The following TAFA2 variants were observed in gnomAD, a reference collection of about 807,000 sequenced individuals.
TAFA2 encodes the protein chemokine-like protein TAFA-2.
TAFA2 carries 7 observed loss-of-function variants against 18.8 expected under a neutral mutation model. The observed-to-expected ratio is 0.37, with a 90% confidence interval of 0.21 to 0.70. TAFA2 has a LOEUF of 0.70. Among genes scored for constraint, TAFA2 ranks in the 30% least tolerant of loss-of-function variants. The pLI, the probability that TAFA2 is intolerant of heterozygous loss-of-function variation, is 0.53. For synonymous variants in TAFA2, 60 were observed against 54.2 expected (o/e 1.11, Z -0.47); for missense variants, 122 against 158.1 (o/e 0.77, Z 1.23).
intron 1 of TAFA2, among the ~76,000 whole-genome samples, chr12:61,987,864 C>T (rs1294947485): frequency 6.6e-6 from 1 of 152,110 alleles, no homozygotes; most frequent in African/African-American, 2.4e-5. Flanking sequence ...GTAAATTGCC[C>T]AACTTAAATT....
At chr12:61,923,019 C>T (rs1245229420) in intron 1 of TAFA2, among the ~76,000 whole-genome samples, 5 of 152,318 alleles carry the variant, frequency 3.3e-5, no homozygotes, top group South Asian at 2.1e-4. Flanking sequence ...TGCAGCAAAG[C>T]CACTGTAGCC....
intron 1 of TAFA2, among the ~76,000 whole-genome samples, chr12:61,979,472 T>A (rs562915753): frequency 1.3e-5 from 2 of 152,096 alleles, no homozygotes; most frequent in African/African-American, 4.8e-5. Context: ...TGGCAGTTCA[T>A]CTACTGCACC....
intron 2 of TAFA2, among the ~76,000 whole-genome samples, chr12:61,856,703 G>A (rs1200007878): frequency 6.6e-6 from 1 of 151,818 alleles, no homozygotes; most frequent in Middle Eastern, 3.6e-3. Context: ...ATAATTAAAA[G>A]TGTCATTGTC....
chr12:61,750,305 T>C (rs571458214), intron 4 of TAFA2, among the ~76,000 whole-genome samples: 1 of 152,134 alleles, frequency 6.6e-6, no homozygotes, highest in Non-Finnish European at 1.5e-5. Context: ...CGGTTATAGA[T>C]GTCACAGAAA....
chr12:61,812,558 A>G (rs956230211), intron 2 of TAFA2, among the ~76,000 whole-genome samples: 2 of 150,384 alleles, frequency 1.3e-5, no homozygotes, highest in Non-Finnish European at 2.9e-5. Context: ...ATAAAATTAT[A>G]TATGTTCCCA....
At chr12:62,154,406 T>C (rs978770388) in intron 1 of TAFA2, among the ~76,000 whole-genome samples, 1 of 152,168 alleles carries the variant, frequency 6.6e-6, no homozygotes, top group South Asian at 2.1e-4. Context: ...TTATGTCACA[T>C]GCTACCCCTG....
intron 2 of TAFA2, among the ~76,000 whole-genome samples, chr12:61,827,421 T>C (rs1173545135): frequency 6.6e-6 from 1 of 152,076 alleles, no homozygotes; most frequent in Non-Finnish European, 1.5e-5. Flanking sequence ...TTCTCTACCA[T>C]TACTTGTTCC....
intron 1 of TAFA2, among the ~76,000 whole-genome samples, chr12:62,074,719 T>G (rs1882718727): frequency 7.8e-6 from 1 of 128,234 alleles, no homozygotes; most frequent in African/African-American, 3.2e-5. Context: ...TTTTTTTTTT[T>G]GAGACAGAGT....
chr12:62,235,582 T>C lies in TAFA2; in HGVS notation c.-130+23181A>G, dbSNP rs2062833306. 9 of 317,840 alleles carry C rather than the reference T, an allele frequency of 2.8e-5. No homozygotes were observed. The South Asian group carries it at 9.1e-4, about 32-fold the overall frequency. The allele number at this position is 317,840 out of a possible 1,614,324, so 19.7% of individuals were successfully genotyped here. ...GAGCAACCCACCACGGCATCGCAGG[T>C]GGTTATCGGGACATTGCCCCTGGTT... On this transcript the variant is annotated intron_variant, in intron 1 of 5. Coordinates refer to the TAFA2 transcript ENST00000551619.
At chr12:62,067,091 T>C (rs1022589663) in intron 1 of TAFA2, among the ~76,000 whole-genome samples, 2 of 152,168 alleles carry the variant, frequency 1.3e-5, no homozygotes, top group African/African-American at 4.8e-5. Flanking sequence ...TTCATATGCC[T>C]GTTTGCCATT....
chr12:62,064,241 T>C (rs1882428890), intron 1 of TAFA2, among the ~76,000 whole-genome samples: 1 of 152,150 alleles, frequency 6.6e-6, no homozygotes. Flanking sequence ...TTTTACATGA[T>C]GAAGACAAAG....
At chr12:62,182,956 C>G (rs961207257) in intron 1 of TAFA2, among the ~76,000 whole-genome samples, 20 of 152,146 alleles carry the variant, frequency 1.3e-4, no homozygotes, top group African/African-American at 4.8e-4. Context: ...AAGTAATATA[C>G]TAAAATGGTA....
chr12:61,952,136 G>T, intron 1 of TAFA2, among the ~76,000 whole-genome samples: 1 of 151,982 alleles, frequency 6.6e-6, no homozygotes, highest in East Asian at 1.9e-4. Flanking sequence ...CCAGGTCTCT[G>T]CAAATTCTAT....
At chr12:61,911,569 T>C (rs1876614806) in intron 1 of TAFA2, among the ~76,000 whole-genome samples, 1 of 152,156 alleles carries the variant, frequency 6.6e-6, no homozygotes, top group African/African-American at 2.4e-5. Flanking sequence ...GCACTGAAGA[T>C]CACCCCAAAT....
chr12:61,958,733 G>T (rs960255375), intron 1 of TAFA2, among the ~76,000 whole-genome samples: 2 of 151,770 alleles, frequency 1.3e-5, no homozygotes, highest in Non-Finnish European at 2.9e-5. Context: ...CAGATCTTCT[G>T]TGTGTTTACC....
At chr12:62,063,825 C>T (rs915843147) in intron 1 of TAFA2, among the ~76,000 whole-genome samples, 3 of 149,720 alleles carry the variant, frequency 2.0e-5, no homozygotes, top group Admixed American at 6.7e-5. Flanking sequence ...ATAAAGAAAA[C>T]CAATGGTTTT....
chr12:61,880,356 C>T, intron 1 of TAFA2: 1 of 510,146 alleles, frequency 2.0e-6, no homozygotes, highest in Non-Finnish European at 3.9e-6. Flanking sequence ...AGGGAGCTGG[C>T]CATTAAGGAT....
chr12:61,866,905 T>A (rs1874377850), intron 2 of TAFA2, among the ~76,000 whole-genome samples: 1 of 151,872 alleles, frequency 6.6e-6, no homozygotes, highest in Admixed American at 6.6e-5. Flanking sequence ...TTTATTTTTT[T>A]ATTTTTTTTT....
chr12:61,856,072 A>G (rs1565657839), intron 2 of TAFA2, among the ~76,000 whole-genome samples: 2 of 152,074 alleles, frequency 1.3e-5, no homozygotes, highest in Non-Finnish European at 2.9e-5. Flanking sequence ...TGATCTATCT[A>G]TTGATAGATA....
Sources: allele counts gnomAD v4.1 joint callset (sites outside exome capture counted in the v4.1 genomes callset), GRCh38; gene constraint gnomAD v4.1.1; transcripts MANE v1.5; gene names NCBI Gene and HGNC (gene_info 2026-07-23, HGNC 2026-07-21).